TMPRSS15: variants seen among roughly 807,000 people sequenced by gnomAD.
TMPRSS15 encodes enteropeptidase.
TMPRSS15 carries 128 observed loss-of-function variants against 125.3 expected under a neutral mutation model. That is an observed-to-expected ratio of 1.02 (90% CI 0.89 to 1.18). TMPRSS15 has a LOEUF of 1.18. TMPRSS15 is among the 50% of genes most tolerant of loss of function. The probability of loss-of-function intolerance (pLI) is 0.00; values close to 1 mark genes in which losing one functional copy is unlikely to be tolerated. For synonymous variants in TMPRSS15, 446 were observed against 423.2 expected (o/e 1.05, Z -0.66); for missense variants, 1,283 against 1,212.7 (o/e 1.06, Z -0.86).
At chr21:18,295,262 A>T (rs572025559) in intron 19 of TMPRSS15, among the ~76,000 whole-genome samples, 1 of 152,336 alleles carries the variant, frequency 6.6e-6, no homozygotes, top group South Asian at 2.1e-4. Flanking sequence ...CCTGCTTAGA[A>T]ATTTAAATAC....
At chr21:18,338,868 AC>A (rs1339355928) in intron 13 of TMPRSS15, among the ~76,000 whole-genome samples, 1 of 152,178 alleles carries the variant, frequency 6.6e-6, no homozygotes, top group African/African-American at 2.4e-5. Flanking sequence ...GAAGGAACTC[AC>A]TTCTTGTCAC....
chr21:18,399,279 G>A (rs952973652), intron 1 of TMPRSS15, among the ~76,000 whole-genome samples: 1 of 152,064 alleles, frequency 6.6e-6, no homozygotes, highest in Non-Finnish European at 1.5e-5. Flanking sequence ...TTTGGTCATT[G>A]AAATGACTGA....
chr21:18,364,167 AT>A (rs2075704851), intron 7 of TMPRSS15, among the ~76,000 whole-genome samples: 2 of 152,114 alleles, frequency 1.3e-5, no homozygotes, highest in South Asian at 4.1e-4. Flanking sequence ...ATAATGTATC[AT>A]AAATATAATC....
At chr21:18,462,452 T>G (rs1281773840) in intron 1 of TMPRSS15, among the ~76,000 whole-genome samples, 1 of 152,088 alleles carries the variant, frequency 6.6e-6, no homozygotes, top group African/African-American at 2.4e-5. Context: ...GAAAATTTAT[T>G]TAATTAGATA....
intron 1 of TMPRSS15, among the ~76,000 whole-genome samples, chr21:18,457,347 C>A (rs754412238): frequency 2.0e-5 from 3 of 151,892 alleles, no homozygotes; most frequent in African/African-American, 4.8e-5. Flanking sequence ...ATTGGAGACA[C>A]GTACGTTTCT....
chr21:18,365,226 A>C lies in TMPRSS15; in HGVS notation c.687T>G (p.Phe229Leu), dbSNP rs138300762. 5.2e-5 allele frequency: 84 copies of C among 1,613,990 alleles called. No individual in the cohort carries two copies. The highest frequency in any genetic ancestry group is 6.4e-5 in the Non-Finnish European group (75 of 1,179,990). ...AAGACCCAGATGATCCAGTTAACAA[A>C]AATCTTCCATCACAAACTGTGGCTG... ...KMCATVCDGRFLLTGSSGSFQ... is the reference protein window; with the variant it reads ...KMCATVCDGRLLLTGSSGSFQ... Residue 229 changes from phenylalanine (F) to leucine (L), a missense_variant, in exon 7 of 25, where the codon TTT (phenylalanine) becomes TTG (leucine). Physicochemically the swap from Phe to Leu is conservative, Grantham distance 22. Coordinates refer to ENST00000284885, the MANE Select transcript of TMPRSS15 (RefSeq NM_002772.3).
At chr21:18,314,086 A>G (rs1484058454) in intron 17 of TMPRSS15, among the ~76,000 whole-genome samples, 1 of 151,270 alleles carries the variant, frequency 6.6e-6, no homozygotes, top group East Asian at 2.0e-4. Context: ...TACAAACACT[A>G]TGTTGTAATT....
chr21:18,429,309 G>C (rs906873743), intron 1 of TMPRSS15, among the ~76,000 whole-genome samples: 1 of 152,158 alleles, frequency 6.6e-6, no homozygotes, highest in Non-Finnish European at 1.5e-5. Context: ...TTGAGTTAAT[G>C]CTGTAATGAG....
At chr21:18,314,941 A>G (rs2075145379) in intron 17 of TMPRSS15, among the ~76,000 whole-genome samples, 1 of 152,174 alleles carries the variant, frequency 6.6e-6, no homozygotes, top group South Asian at 2.1e-4. Context: ...AAATTGAAAC[A>G]AACAATAAAC....
chr21:18,398,378 G>A (rs2076061364), intron 1 of TMPRSS15, 49 bp from the exon 2 acceptor site: 2 of 1,588,654 alleles, frequency 1.3e-6, no homozygotes, highest in African/African-American at 1.3e-5. Flanking sequence ...ATTATGAGTA[G>A]GAGAAAATAT....
At chr21:18,459,108 G>C (rs1029559087) in intron 1 of TMPRSS15, among the ~76,000 whole-genome samples, 6 of 152,064 alleles carry the variant, frequency 3.9e-5, no homozygotes, top group Admixed American at 3.3e-4. Context: ...ACAAGGTCAA[G>C]TTTAGTTTTA....
rs374128782 is a variant in TMPRSS15, at chr21:18,294,623, C to T, written c.2291G>A (p.Arg764Gln). The change falls in exon 20 of 25, where the codon CGG becomes CAG. Residue 764 changes from arginine to glutamine, a missense_variant. Arg to Gln is a conservative substitution (Grantham distance 43). Coordinates refer to ENST00000284885, the MANE Select transcript of TMPRSS15 (RefSeq NM_002772.3). ...SQQCLQDSLI[R>Q]LQCNHKSCGK... ...CTTACATTTATGGTTACACTGTAAC[C>T]GAATCAAGGAATCCTGTAAACACTG... is the stretch of plus-strand genomic sequence containing the variant. 1.9e-5 allele frequency: 30 copies of T among 1,610,914 alleles called. No homozygotes were observed. The Admixed American group carries it at 3.2e-4, about 17-fold the overall frequency.
At chr21:18,426,009 T>C (rs762456948) in intron 1 of TMPRSS15, among the ~76,000 whole-genome samples, 5 of 152,196 alleles carry the variant, frequency 3.3e-5, no homozygotes, top group Non-Finnish European at 7.4e-5. Context: ...TTTATTCACC[T>C]ATTTATTTGC....
chr21:18,369,345 A>G (rs991529798), intron 6 of TMPRSS15, among the ~76,000 whole-genome samples: 10 of 152,334 alleles, frequency 6.6e-5, no homozygotes, highest in Admixed American at 5.2e-4. Flanking sequence ...CACGTGAGGC[A>G]TACAAACTAT....
intron 1 of TMPRSS15, among the ~76,000 whole-genome samples, chr21:18,430,515 T>C (rs780755242): frequency 2.0e-5 from 3 of 152,144 alleles, no homozygotes; most frequent in Admixed American, 6.6e-5. Flanking sequence ...AAACTGGGCA[T>C]TTTTCAGCTT....
intron 18 of TMPRSS15, among the ~76,000 whole-genome samples, chr21:18,299,785 G>T (rs1458867642): frequency 1.3e-5 from 2 of 152,142 alleles, no homozygotes; most frequent in South Asian, 4.1e-4. Context: ...AGAGAACATA[G>T]GTCCAAAGGC....
intron 16 of TMPRSS15, among the ~76,000 whole-genome samples, chr21:18,324,700 T>C (rs943120878): frequency 6.6e-6 from 1 of 152,182 alleles, no homozygotes; most frequent in Non-Finnish European, 1.5e-5. Flanking sequence ...TGCTATTAAC[T>C]AATTTACTTT....
upstream of TMPRSS15, among the ~76,000 whole-genome samples, chr21:18,404,762 CA>C (rs1402684470): frequency 6.6e-6 from 1 of 152,028 alleles, no homozygotes; most frequent in African/African-American, 2.4e-5. Context: ...CTAAGATGAA[CA>C]GTAGCTGCTT....
chr21:18,448,527 T>C (rs537464802), intron 1 of TMPRSS15, among the ~76,000 whole-genome samples: 1 of 152,268 alleles, frequency 6.6e-6, no homozygotes, highest in African/African-American at 2.4e-5. Context: ...ACTATAAAGA[T>C]GCATACCATA....
Sources: gnomAD v4.1 joint callset for allele counts (sites outside exome capture counted in the v4.1 genomes callset) on GRCh38, gnomAD v4.1.1 for gene constraint, MANE v1.5 for transcripts, NCBI Gene and HGNC (gene_info 2026-07-23, HGNC 2026-07-21) for gene names.